The following OLAH variants were observed in gnomAD, a reference collection of about 807,000 sequenced individuals.
OLAH encodes S-acyl fatty acid synthase thioesterase, medium chain.
In OLAH, 33 loss-of-function variants were observed where a neutral mutation model predicts 27.8. The ratio of observed to expected loss-of-function variants is 1.19; its 90% CI spans 0.90 to 1.59. The LOEUF (loss-of-function observed/expected upper bound fraction) is 1.59, where lower values mean the gene tolerates loss of function less well. OLAH is among the 40% of genes most tolerant of loss of function. OLAH has a pLI of 0.00. For synonymous variants in OLAH, 120 were observed against 102.9 expected, an observed-to-expected ratio of 1.17 and a Z score of -1.01; for missense variants, 359 against 310.8, an observed-to-expected ratio of 1.16 and a Z score of -1.17.
intron 1 of OLAH, among the ~76,000 whole-genome samples, chr10:15,034,091 C>T (rs369298966): frequency 4.6e-4 from 67 of 147,242 alleles, no homozygotes; most frequent in African/African-American, 1.6e-3. Flanking sequence ...GAGGAAAGGG[C>T]AGACTCCACC....
intron 3 of OLAH, among the ~76,000 whole-genome samples, chr10:15,053,890 T>C (rs1339885958): frequency 6.6e-6 from 1 of 152,010 alleles, no homozygotes; most frequent in Non-Finnish European, 1.5e-5. Flanking sequence ...AATTTCTTTT[T>C]TCATATTTTT....
intron 6 of OLAH, among the ~76,000 whole-genome samples, chr10:15,066,313 CATA>C (rs1844466646): frequency 1.3e-5 from 2 of 151,282 alleles, no homozygotes; most frequent in African/African-American, 4.9e-5. Flanking sequence ...TATTTTATCT[CATA>C]ATAACATAGT....
intron 6 of OLAH, 81 bp from the exon 7 acceptor site, chr10:15,071,714 G>A (rs1844589953): frequency 6.8e-7 from 1 of 1,472,352 alleles, no homozygotes; most frequent in Non-Finnish European, 9.3e-7. Flanking sequence ...CCCACCCCAA[G>A]TTTCATTGAC....
chr10:15,050,370 T>A (rs1489088821), intron 3 of OLAH, among the ~76,000 whole-genome samples: 1 of 151,658 alleles, frequency 6.6e-6, no homozygotes, highest in Non-Finnish European at 1.5e-5. Flanking sequence ...CGGGTTCAGG[T>A]GACGCTTGTG....
At chr10:15,060,995 A>G (rs1305643441) in intron 3 of OLAH, among the ~76,000 whole-genome samples, 1 of 152,156 alleles carries the variant, frequency 6.6e-6, no homozygotes, top group Non-Finnish European at 1.5e-5. Context: ...ATGACTTGTC[A>G]TTGTTTCTGT....
chr10:15,052,417 ATAC>A (rs1844162077), intron 3 of OLAH, among the ~76,000 whole-genome samples: 1 of 152,178 alleles, frequency 6.6e-6, no homozygotes, highest in Non-Finnish European at 1.5e-5. Context: ...GACTGCTTTG[ATAC>A]TGGCAATACT....
upstream of OLAH, chr10:15,043,939 A>G (rs957284268): frequency 1.5e-4 from 23 of 152,234 alleles, no homozygotes; most frequent in African/African-American, 5.5e-4. Context: ...ATCCAAAGAA[A>G]GTCATCTTTC....
chr10:15,066,061 C>T (rs1349456514), intron 6 of OLAH, among the ~76,000 whole-genome samples: 4 of 152,000 alleles, frequency 2.6e-5, no homozygotes, highest in African/African-American at 4.8e-5. Context: ...GCCAACATGG[C>T]AAAACCCCAT....
At chr10:15,051,491 G>A (rs184158160) in intron 3 of OLAH, among the ~76,000 whole-genome samples, 237 of 152,272 alleles carry the variant, frequency 1.6e-3, no homozygotes, top group Non-Finnish European at 3.0e-3. Context: ...TAATTCAGAA[G>A]CTTGTTTTTA....
chr10:15,073,372 C>T lies in OLAH; in HGVS notation c.*143C>T, dbSNP rs1844631222. 4 of 636,954 alleles carry T rather than the reference C, an allele frequency of 6.3e-6. No homozygotes were observed. The East Asian group carries it at 1.2e-4, about 19-fold the overall frequency. The allele number at this position is 636,954 out of a possible 1,614,324, so 39.5% of individuals were successfully genotyped here. ...TCGTTACATAAATATATTTACGTAT[C>T]TGGGGACAAAGGTCAAGCCAGTAAA... On this transcript the variant is annotated 3_prime_UTR_variant, in exon 8 of 8. Transcript: ENST00000378228.
At chr10:15,050,145 C>T (rs765598837) in intron 3 of OLAH, among the ~76,000 whole-genome samples, 4 of 152,234 alleles carry the variant, frequency 2.6e-5, no homozygotes, top group Non-Finnish European at 4.4e-5. Context: ...AATCCAGGCG[C>T]AGTGGCGCAC....
At chr10:15,040,192 A>T (rs113554570), upstream of OLAH, among the ~76,000 whole-genome samples, 549 of 152,092 alleles carry the variant, frequency 3.6e-3, 3 homozygotes, top group African/African-American at 0.013. Context: ...CCCAGTCATA[A>T]TCCCATTACA....
chr10:15,063,778 AACAAT>A (rs1392083460), intron 4 of OLAH, among the ~76,000 whole-genome samples: 1 of 152,220 alleles, frequency 6.6e-6, no homozygotes, highest in Admixed American at 6.5e-5. Flanking sequence ...CATTGACATA[AACAAT>A]ATATTTTAAT....
At chr10:15,038,764 G>A (rs977073577) in intron 1 of OLAH, 15 of 152,288 alleles carry the variant, frequency 9.8e-5, no homozygotes, top group African/African-American at 3.4e-4. Context: ...ACGGACTAAC[G>A]CAGAGACATT....
At chr10:15,053,806 C>T (rs1844192121) in intron 3 of OLAH, among the ~76,000 whole-genome samples, 1 of 152,022 alleles carries the variant, frequency 6.6e-6, no homozygotes, top group African/African-American at 2.4e-5. Context: ...CCTCAACCTC[C>T]CAGGCTCAAG....
intron 3 of OLAH, chr10:15,056,876 T>A: frequency 3.3e-6 from 5 of 1,532,460 alleles, no homozygotes; most frequent in Middle Eastern, 1.7e-4. Flanking sequence ...GGCGCTCAAG[T>A]GATCCTCCTG....
chr10:15,049,195 G>A (rs1844084337), intron 2 of OLAH, among the ~76,000 whole-genome samples: 2 of 143,946 alleles, frequency 1.4e-5, no homozygotes, highest in Non-Finnish European at 3.0e-5. Context: ...ATTCAGTGGT[G>A]CAGTCATAGC....
intron 2 of OLAH, among the ~76,000 whole-genome samples, chr10:15,048,372 C>T (rs1844063573): frequency 6.6e-6 from 1 of 152,148 alleles, no homozygotes; most frequent in African/African-American, 2.4e-5. Flanking sequence ...TGCCCACCAC[C>T]ACACCCAGCT....
chr10:15,040,672 TATTC>T (rs142608149), upstream of OLAH, among the ~76,000 whole-genome samples: 19,232 of 152,016 alleles, frequency 0.13, 1,327 homozygotes, highest in South Asian at 0.26. Flanking sequence ...TTTCTACTCC[TATTC>T]ATTCATTTAT....
Sources: allele counts gnomAD v4.1 joint callset (sites outside exome capture counted in the v4.1 genomes callset), GRCh38; gene constraint gnomAD v4.1.1; transcripts MANE v1.5; gene names NCBI Gene and HGNC (gene_info 2026-07-23, HGNC 2026-07-21).